CNTN4: variants seen among roughly 807,000 people sequenced by gnomAD.
CNTN4 encodes the protein contactin-4.
In CNTN4, 77 loss-of-function variants were observed where a neutral mutation model predicts 122.5. The ratio of observed to expected loss-of-function variants is 0.63; its 90% CI spans 0.52 to 0.76. The LOEUF (loss-of-function observed/expected upper bound fraction) is 0.76. Among genes scored for constraint, CNTN4 ranks in the 30% least tolerant of loss-of-function variants. The pLI is 0.00. For synonymous variants in CNTN4, 512 were observed against 447.0 expected, an observed-to-expected ratio of 1.15 and a Z score of -1.83; for missense variants, 1,256 against 1,259.1, an observed-to-expected ratio of 1.00 and a Z score of 0.04.
chr3:2,173,031 A>C (rs527810246), intron 2 of CNTN4, among the ~76,000 whole-genome samples: 4 of 152,352 alleles, frequency 2.6e-5, no homozygotes, highest in African/African-American at 9.6e-5. Flanking sequence ...TGCTGATATC[A>C]GTCATCACAC....
At chr3:2,710,179 T>A (rs35275168) in intron 4 of CNTN4, among the ~76,000 whole-genome samples, 9,749 of 152,256 alleles carry the variant, frequency 0.064, 402 homozygotes, top group Middle Eastern at 0.099. Flanking sequence ...ATTTTGGTTT[T>A]TAGTTGTGCA....
chr3:2,863,223 C>G (rs1403920299), intron 7 of CNTN4, among the ~76,000 whole-genome samples: 2 of 151,986 alleles, frequency 1.3e-5, no homozygotes, highest in Non-Finnish European at 2.9e-5. Flanking sequence ...GATATTTGAT[C>G]GTGAAAAAAA....
chr3:3,034,878 C>T, intron 17 of CNTN4, 88 bp downstream of exon 17: 1 of 1,305,100 alleles, frequency 7.7e-7, no homozygotes, highest in Non-Finnish European at 1.1e-6. Flanking sequence ...AGTTCTCATT[C>T]AGACACTACT....
chr3:2,115,893 T>C (rs1044707611), intron 2 of CNTN4, among the ~76,000 whole-genome samples: 1 of 152,218 alleles, frequency 6.6e-6, no homozygotes, highest in East Asian at 1.9e-4. Flanking sequence ...TTTCTAGAAA[T>C]TGTTATCACA....
intron 3 of CNTN4, among the ~76,000 whole-genome samples, chr3:2,372,873 T>A (rs2045682631): frequency 6.6e-6 from 1 of 151,736 alleles, no homozygotes; most frequent in African/African-American, 2.4e-5. Context: ...CATGGTGAAA[T>A]CCCATCTCTA....
At chr3:2,966,504 T>C (rs1692324477) in intron 13 of CNTN4, among the ~76,000 whole-genome samples, 1 of 152,124 alleles carries the variant, frequency 6.6e-6, no homozygotes, top group African/African-American at 2.4e-5. Flanking sequence ...AAAGGGGTGA[T>C]AGTTAATGGA....
At chr3:2,562,112 C>A (rs1176132179) in intron 3 of CNTN4, among the ~76,000 whole-genome samples, 2 of 152,166 alleles carry the variant, frequency 1.3e-5, no homozygotes, top group Middle Eastern at 3.2e-3. Flanking sequence ...GAAAATACCA[C>A]ATATTTTATA....
At chr3:2,599,768 A>C (rs1400273573) in intron 4 of CNTN4, among the ~76,000 whole-genome samples, 3 of 152,164 alleles carry the variant, frequency 2.0e-5, no homozygotes, top group East Asian at 3.9e-4. Flanking sequence ...TGCATTAGAG[A>C]GTGTATTTTT....
intron 5 of CNTN4, among the ~76,000 whole-genome samples, chr3:2,737,969 T>A (rs1438992793): frequency 6.6e-6 from 1 of 151,886 alleles, no homozygotes; most frequent in African/African-American, 2.4e-5. Flanking sequence ...TCTGAAGAAA[T>A]CCTCCAGAGG....
chr3:2,194,853 T>C (rs2037759641), intron 2 of CNTN4, among the ~76,000 whole-genome samples: 1 of 152,192 alleles, frequency 6.6e-6, no homozygotes, highest in Non-Finnish European at 1.5e-5. Context: ...AGCATGGCCC[T>C]GCTCACACCT....
chr3:2,265,345 C>A (rs2041000210), intron 2 of CNTN4, among the ~76,000 whole-genome samples: 1 of 151,986 alleles, frequency 6.6e-6, no homozygotes, highest in South Asian at 2.1e-4. Context: ...GCTTTTGGAG[C>A]TTTTTCTAAA....
intron 6 of CNTN4, among the ~76,000 whole-genome samples, chr3:2,777,748 T>G (rs2091384436): frequency 6.6e-6 from 1 of 152,242 alleles, no homozygotes; most frequent in Non-Finnish European, 1.5e-5. Context: ...ACACAAATTC[T>G]TTCCAATATG....
At chr3:2,558,823 T>G (rs1416869450) in intron 3 of CNTN4, among the ~76,000 whole-genome samples, 3 of 152,180 alleles carry the variant, frequency 2.0e-5, no homozygotes. Flanking sequence ...CCTTTGGAGA[T>G]TCTTGGATAA....
intron 4 of CNTN4, among the ~76,000 whole-genome samples, chr3:2,600,050 T>C (rs1559289253): frequency 2.8e-5 from 4 of 142,836 alleles, no homozygotes; most frequent in African/African-American, 1.0e-4. Context: ...AAACATTCTT[T>C]ATTTGGTCAA....
chr3:2,715,653 G>T (rs916207617), intron 4 of CNTN4, among the ~76,000 whole-genome samples: 1 of 152,200 alleles, frequency 6.6e-6, no homozygotes, highest in East Asian at 1.9e-4. Context: ...AGTTTTGGAA[G>T]CTGAGGAATA....
intron 3 of CNTN4, among the ~76,000 whole-genome samples, chr3:2,376,870 G>T (rs183814755): frequency 5.5e-4 from 83 of 152,202 alleles, no homozygotes; most frequent in African/African-American, 1.9e-3. Context: ...GAAAATGACA[G>T]AGCTCAGCAG....
intron 2 of CNTN4, among the ~76,000 whole-genome samples, chr3:2,286,097 T>TA (rs1438236507): frequency 6.6e-6 from 1 of 152,012 alleles, no homozygotes. Flanking sequence ...GGTGGCTTTT[T>TA]TATTCTGTTT....
At chr3:2,576,966 C>A (rs965665278) in intron 4 of CNTN4, among the ~76,000 whole-genome samples, 4 of 152,138 alleles carry the variant, frequency 2.6e-5, no homozygotes, top group African/African-American at 7.2e-5. Flanking sequence ...AAGTTAACCC[C>A]GTCCTTAGGG....
chr3:2,782,294 G>T (rs113522944), intron 6 of CNTN4, among the ~76,000 whole-genome samples: 2 of 151,452 alleles, frequency 1.3e-5, no homozygotes, highest in Admixed American at 6.6e-5. Context: ...ATGGTAGGTG[G>T]GGGGGGGCCT....
Sources: allele counts gnomAD v4.1 joint callset (sites outside exome capture counted in the v4.1 genomes callset), GRCh38; gene constraint gnomAD v4.1.1; transcripts MANE v1.5; gene names NCBI Gene and HGNC (gene_info 2026-07-23, HGNC 2026-07-21).